GPC3: variants seen among roughly 807,000 people sequenced by gnomAD.
GPC3 encodes glypican 3.
GPC3 carries 3 observed loss-of-function variants against 34.4 expected under a neutral mutation model. The observed-to-expected ratio is 0.09, with a 90% CI of 0.04 to 0.23. The LOEUF is 0.23. Ranked by LOEUF, GPC3 falls within the 10% of genes least tolerant of loss-of-function variation. The pLI is 1.00. For synonymous variants in GPC3, 177 were observed against 174.0 expected, an observed-to-expected ratio of 1.02 and a Z score of -0.13; for missense variants, 351 against 445.6, an observed-to-expected ratio of 0.79 and a Z score of 1.91.
chrX:133,747,771 G>C (rs2071625394), intron 3 of GPC3, among the ~76,000 whole-genome samples: 1 of 111,953 alleles, frequency 8.9e-6, no homozygotes, highest in Admixed American at 9.5e-5. Flanking sequence ...TCCATTATTA[G>C]ATGCTCAATA....
chrX:133,718,756 A>C (rs1261458192), intron 3 of GPC3, among the ~76,000 whole-genome samples: 2 of 111,532 alleles, frequency 1.8e-5, no homozygotes, highest in Non-Finnish European at 3.8e-5. Context: ...AAAGGATAGA[A>C]AAAGATATAC....
At chrX:133,889,109 A>C (rs1478099051) in intron 2 of GPC3, among the ~76,000 whole-genome samples, 1 of 112,366 alleles carries the variant, frequency 8.9e-6, no homozygotes, top group African/African-American at 3.2e-5. Flanking sequence ...CCATGCTGAT[A>C]ATCAATGCTT....
chrX:133,705,181 A>G (rs2071203550), intron 3 of GPC3, among the ~76,000 whole-genome samples: 1 of 111,857 alleles, frequency 8.9e-6, no homozygotes, highest in South Asian at 3.8e-4. Flanking sequence ...TCTGAGGTAT[A>G]CAGAGCAGGT....
intron 2 of GPC3, among the ~76,000 whole-genome samples, chrX:133,802,346 T>TAAC (rs34458608): frequency 0.056 from 6,178 of 109,420 alleles, 407 homozygotes; most frequent in African/African-American, 0.17. Flanking sequence ...GACATTATAT[T>TAAC]AACAACAACA....
At chrX:133,917,715 T>A (rs895914303) in intron 2 of GPC3, among the ~76,000 whole-genome samples, 2 of 112,010 alleles carry the variant, frequency 1.8e-5, no homozygotes, top group African/African-American at 3.2e-5. Flanking sequence ...GATATTTTTT[T>A]AAAAAATTAC....
At chrX:133,747,140 G>C (rs775434558) in intron 3 of GPC3, among the ~76,000 whole-genome samples, 4 of 111,851 alleles carry the variant, frequency 3.6e-5, no homozygotes, top group Admixed American at 9.5e-5. Context: ...TAAATACCAA[G>C]GACACTCCGT....
At chrX:133,545,887 C>A (rs750596086) in intron 7 of GPC3, among the ~76,000 whole-genome samples, 1 of 107,958 alleles carries the variant, frequency 9.3e-6, no homozygotes, top group Non-Finnish European at 1.9e-5. Context: ...AAATGTGGTA[C>A]GTCCATTCAA....
At chrX:133,545,900 G>A (rs1335153580) in intron 7 of GPC3, among the ~76,000 whole-genome samples, 8 of 105,132 alleles carry the variant, frequency 7.6e-5, no homozygotes, top group Non-Finnish European at 1.5e-4. Context: ...CCATTCAATG[G>A]ACTATTAGCC....
chrX:133,760,751 G>A (rs2071779895), intron 2 of GPC3, among the ~76,000 whole-genome samples: 1 of 111,371 alleles, frequency 9.0e-6, no homozygotes, highest in African/African-American at 3.3e-5. Flanking sequence ...GCAATACAAA[G>A]AATGAACCTT....
At chrX:133,611,883 G>A (rs2070116280) in intron 6 of GPC3, among the ~76,000 whole-genome samples, 1 of 111,943 alleles carries the variant, frequency 8.9e-6, no homozygotes, top group African/African-American at 3.3e-5. Flanking sequence ...CACTGAAGTT[G>A]TATGTAGTGA....
intron 2 of GPC3, among the ~76,000 whole-genome samples, chrX:133,948,917 T>C (rs912361317): frequency 3.6e-5 from 4 of 112,318 alleles, no homozygotes; most frequent in African/African-American, 1.3e-4. Flanking sequence ...CATCATTTAT[T>C]TGGCACCACC....
At chrX:133,833,750 T>C (rs2075787561) in intron 2 of GPC3, among the ~76,000 whole-genome samples, 1 of 112,831 alleles carries the variant, frequency 8.9e-6, no homozygotes, top group Non-Finnish European at 1.9e-5. Context: ...AGGAGTTTTA[T>C]ATTTTTTGTT....
At chrX:133,733,877 A>G (rs370008397) in intron 3 of GPC3, among the ~76,000 whole-genome samples, 1 of 112,161 alleles carries the variant, frequency 8.9e-6, no homozygotes, top group East Asian at 2.8e-4. Flanking sequence ...ATCCTATAAC[A>G]AAGAGTTTGA....
intron 2 of GPC3, among the ~76,000 whole-genome samples, chrX:133,807,076 C>A (rs1410321923): frequency 1.8e-5 from 2 of 111,872 alleles, no homozygotes; most frequent in Non-Finnish European, 3.8e-5. Context: ...GGATATTTAT[C>A]CCCTCCACAT....
chrX:133,953,291 TAC>T, intron 1 of GPC3, 80 bp from the exon 2 acceptor site: 4 of 748,200 alleles, frequency 5.3e-6, no homozygotes, highest in Non-Finnish European at 6.1e-6. Flanking sequence ...CCCCACCCCC[TAC>T]ACACACACTC....
intron 6 of GPC3, 147 bp downstream of exon 6, chrX:133,661,582 CT>C (rs2070720243): frequency 7.3e-5 from 1 of 13,707 alleles, no homozygotes; most frequent in Non-Finnish European, 1.3e-4. Context: ...CTCTCTCTCT[CT>C]CTCTCTCTCT....
intron 2 of GPC3, among the ~76,000 whole-genome samples, chrX:133,905,961 T>C (rs2076166019): frequency 8.9e-6 from 1 of 111,876 alleles, no homozygotes; most frequent in African/African-American, 3.3e-5. Flanking sequence ...ATTAATTTCA[T>C]AGAGATAGAT....
chrX:133,602,724 G>A (rs181312493), intron 6 of GPC3, among the ~76,000 whole-genome samples: 38 of 111,475 alleles, frequency 3.4e-4, no homozygotes, highest in African/African-American at 1.2e-3. Flanking sequence ...TTGAGGTGAT[G>A]GATATGCTAA....
At chrX:133,594,483 G>A (rs1408621174) in intron 7 of GPC3, among the ~76,000 whole-genome samples, 2 of 112,007 alleles carry the variant, frequency 1.8e-5, no homozygotes, top group East Asian at 5.6e-4. Flanking sequence ...TCCACTGATG[G>A]ATGAATGGAT....
Sources: gnomAD v4.1 joint callset for allele counts (sites outside exome capture counted in the v4.1 genomes callset) on GRCh38, gnomAD v4.1.1 for gene constraint, MANE v1.5 for transcripts, NCBI Gene and HGNC (gene_info 2026-07-23, HGNC 2026-07-21) for gene names.